ZBED6: variants seen among roughly 807,000 people sequenced by gnomAD.
ZBED6 encodes the protein zinc finger BED-type containing 6.
A neutral mutation model predicts 58.4 loss-of-function variants in ZBED6; 40 were observed. The ratio of observed to expected loss-of-function variants is 0.68; its 90% confidence interval spans 0.53 to 0.89. The LOEUF is 0.89. Among genes scored for constraint, ZBED6 ranks in the 40% least tolerant of loss-of-function variants. The pLI is 0.00. For synonymous variants in ZBED6, 439 were observed against 350.6 expected (o/e 1.25, Z -2.82); for missense variants, 1,057 against 1,003.9 (o/e 1.05, Z -0.71).
intron 1 of ZBED6, among the ~76,000 whole-genome samples, chr1:203,815,211 CT>C (rs199677164): frequency 2.4e-4 from 14 of 59,422 alleles, no homozygotes; most frequent in East Asian, 1.8e-3. Context: ...TCTTCCTTTT[CT>C]TTTCTTTTTT....
At chr1:203,811,765 A>G (rs1374913954) in intron 1 of ZBED6, among the ~76,000 whole-genome samples, 1 of 150,622 alleles carries the variant, frequency 6.6e-6, no homozygotes, top group Non-Finnish European at 1.5e-5. Context: ...TTTATTATTA[A>G]ACTTTTTCCT....
chr1:203,848,478 C>A lies in ZBED6; in HGVS notation c.*4322+71C>A, dbSNP rs865868933. On this transcript the variant is annotated intron_variant, in intron 13 of 16. Coordinates refer to ENST00000550078, the Ensembl canonical transcript of ZBED6. ...CTAGATAATTGGTAGTTTTACCTTA[C>A]AATAAATTTCTAAGTACTTCATTCA... is the stretch of plus-strand genomic sequence containing the variant. 37 of 1,160,322 alleles carry A rather than the reference C, an allele frequency of 3.2e-5. No individual in the cohort carries two copies. In the Middle Eastern group the frequency reaches 2.9e-3, roughly 91 times the overall value. The allele number at this position is 1,160,322 out of a possible 1,614,324, so 71.9% of individuals were successfully genotyped here.
chr1:203,823,825 T>C (rs1679583051), intron 3 of ZBED6, among the ~76,000 whole-genome samples: 2 of 152,246 alleles, frequency 1.3e-5, no homozygotes, highest in Admixed American at 1.3e-4. Context: ...CTATCCTTCA[T>C]TTAAAATAAG....
At chr1:203,821,872 T>C (rs1247123994) in intron 3 of ZBED6, among the ~76,000 whole-genome samples, 1 of 152,032 alleles carries the variant, frequency 6.6e-6, no homozygotes, top group Non-Finnish European at 1.5e-5. Context: ...ATTCTCCTGT[T>C]TCAGTCTCCC....
chr1:203,850,494 G>A (rs534070691), intron 14 of ZBED6, 21 bp from the exon 15 acceptor site: 1 of 1,613,880 alleles, frequency 6.2e-7, no homozygotes, highest in Non-Finnish European at 8.5e-7. Flanking sequence ...CTGCTTATCA[G>A]ATATTTTCTG....
chr1:203,854,041 G>A (rs1410396376), exon 17 of ZBED6: 2 of 152,326 alleles, frequency 1.3e-5, no homozygotes, highest in African/African-American at 2.4e-5. Context: ...TCAATGTTTC[G>A]TGTTCCGCAT....
At chr1:203,830,570 T>C (rs780761638) in intron 7 of ZBED6, among the ~76,000 whole-genome samples, 1 of 152,164 alleles carries the variant, frequency 6.6e-6, no homozygotes, top group African/African-American at 2.4e-5. Context: ...CCCAGCACTT[T>C]GGGAGGCCGA....
At chr1:203,839,786 C>T (rs1057142604) in intron 10 of ZBED6, among the ~76,000 whole-genome samples, 17 of 151,780 alleles carry the variant, frequency 1.1e-4, no homozygotes, top group Admixed American at 2.6e-4. Flanking sequence ...ATATAAAGTA[C>T]GTTTTTCTTT....
intron 14 of ZBED6, 50 bp from the exon 15 acceptor site, chr1:203,850,465 T>A: frequency 6.2e-7 from 1 of 1,602,606 alleles, no homozygotes; most frequent in Non-Finnish European, 8.5e-7. Flanking sequence ...TATTCCCCAT[T>A]TAAAAGAGTC....
In ZBED6 at chr1:203,845,612, C is replaced by T. The variant is rs565980908; in HGVS notation, c.*3742-1572C>T. ...TGGCGTGGTGGCTCACGCCTGTAAT[C>T]CCAGCACTTTGGGAGGCCAGGCAGG... On this transcript the variant is annotated intron_variant, in intron 11 of 16. Transcript: ENST00000550078. Among the ~76,000 whole-genome samples the T allele has an allele frequency of 4.6e-5, 7 of 152,324 alleles. No individual in the cohort carries two copies. The South Asian group carries it at 1.4e-3, about 32-fold the overall frequency.
chr1:203,833,037 C>T (rs973057774), intron 8 of ZBED6, among the ~76,000 whole-genome samples: 4 of 151,536 alleles, frequency 2.6e-5, no homozygotes, highest in Non-Finnish European at 5.9e-5. Flanking sequence ...AGTTCAAGAC[C>T]AGCCTGGCCA....
intron 12 of ZBED6, 108 bp from the exon 13 acceptor site, chr1:203,848,223 T>C (rs1688404321): frequency 1.1e-6 from 1 of 914,468 alleles, no homozygotes; most frequent in Admixed American, 2.4e-5. Context: ...TCTGTAATTT[T>C]ATTTGTCCTG....
chr1:203,818,541 C>T (rs745638158), intron 2 of ZBED6, 29 bp from the exon 3 acceptor site: 6 of 1,613,470 alleles, frequency 3.7e-6, no homozygotes, highest in Non-Finnish European at 5.1e-6. Context: ...TTCAATGCTA[C>T]AAATAGAGTG....
At chr1:203,823,296 T>C (rs1679382908) in intron 3 of ZBED6, among the ~76,000 whole-genome samples, 1 of 152,170 alleles carries the variant, frequency 6.6e-6, no homozygotes, top group African/African-American at 2.4e-5. Context: ...TGTTTTTTTA[T>C]GCCCACTCCC....
rs1336523998 is a variant in ZBED6 at position 203,819,089 on chromosome 1, T to TATACACAC, written c.*2873+401_*2873+402insTACACACA. 2.8e-5 allele frequency among the ~76,000 whole-genome samples: 4 copies of TATACACAC among 141,004 alleles called. No homozygotes were observed. In the South Asian group the frequency reaches 6.8e-4, roughly 24 times the overall value. 92.5% of individuals were successfully genotyped at this position (141,004 alleles called of 152,430 possible). On this transcript the variant is annotated intron_variant, in intron 3 of 16. Coordinates refer to ENST00000550078, the Ensembl canonical transcript of ZBED6. Reference sequence around the variant, plus strand: ...TCTCAAAAAAAAAAATATATATATATACACACACACACACACACACACACA... The same window carrying TATACACAC: ...TCTCAAAAAAAAAAATATATATATATATACACACACACACACACACACACACACACACA...
chr1:203,826,340 CAAT>C (rs1215737642), intron 3 of ZBED6, among the ~76,000 whole-genome samples: 12 of 150,426 alleles, frequency 8.0e-5, no homozygotes, highest in Non-Finnish European at 1.6e-4. Flanking sequence ...TAGAAAATAT[CAAT>C]AATATTAAAA....
chr1:203,847,845 C>T (rs898675879), intron 12 of ZBED6, among the ~76,000 whole-genome samples, 158 bp downstream of exon 12: 1 of 151,980 alleles, frequency 6.6e-6, no homozygotes, highest in East Asian at 1.9e-4. Context: ...GCTATGTAGA[C>T]CTATGCTATT....
At chr1:203,808,681 A>G (rs940549512) in intron 1 of ZBED6, among the ~76,000 whole-genome samples, 4 of 152,016 alleles carry the variant, frequency 2.6e-5, no homozygotes, top group African/African-American at 9.7e-5. Flanking sequence ...ATCTCTTGTA[A>G]TTCAGTTATT....
In ZBED6 at chr1:203,833,881, C is replaced by A. The variant is rs200470273; in HGVS notation, c.*3573+28C>A. On this transcript the variant is annotated intron_variant, in intron 9 of 16. Coordinates refer to ENST00000550078, the Ensembl canonical transcript of ZBED6. ...AAGATAAGTTTTGTGTATATCTTTT[C>A]TTTTCTACTTGTTTGTGCATTAACA... The A allele has an allele frequency of 8.8e-6, 14 of 1,590,600 alleles. No homozygotes were observed. The African/African-American group carries it at 1.5e-4, about 17-fold the overall frequency.
Sources: gnomAD v4.1 joint callset for allele counts (sites outside exome capture counted in the v4.1 genomes callset) on GRCh38, gnomAD v4.1.1 for gene constraint, MANE v1.5 for transcripts, NCBI Gene and HGNC (gene_info 2026-07-23, HGNC 2026-07-21) for gene names.